MTMR7: variants seen among roughly 807,000 people sequenced by gnomAD.
MTMR7 encodes phosphatidylinositol-3-phosphate phosphatase MTMR7.
A neutral mutation model predicts 81.2 loss-of-function variants in MTMR7; 76 were observed. That is an observed-to-expected ratio of 0.94 (90% CI 0.78 to 1.13). The LOEUF is 1.13. Among genes scored for constraint, MTMR7 ranks in the 50% most tolerant of loss-of-function variants. The pLI is 0.00. For synonymous variants in MTMR7, 372 were observed against 289.8 expected (o/e 1.28, Z -2.88); for missense variants, 1,044 against 820.0 (o/e 1.27, Z -3.34).
chr8:17,405,418 G>C (rs1480865632), intron 1 of MTMR7, among the ~76,000 whole-genome samples: 1 of 152,136 alleles, frequency 6.6e-6, no homozygotes, highest in Non-Finnish European at 1.5e-5. Context: ...GGGCAATATG[G>C]AGCAGTCCAT....
At chr8:17,370,260 A>C (rs1396836499) in intron 3 of MTMR7, among the ~76,000 whole-genome samples, 1 of 151,822 alleles carries the variant, frequency 6.6e-6, no homozygotes, top group Non-Finnish European at 1.5e-5. Flanking sequence ...ATGGTAGTTC[A>C]CTCCTGTAAT....
At chr8:17,313,178 T>C (rs10113185) in intron 8 of MTMR7, 114 bp downstream of exon 8, 330,582 of 657,032 alleles carry the variant, frequency 0.5, 86,310 homozygotes, top group East Asian at 0.77. Flanking sequence ...AAGCTGGCTA[T>C]CCAGTCAGTG....
At position 17,341,439 on chromosome 8, in the gene MTMR7, T is replaced by A; in HGVS notation, c.656A>T (p.Asp219Val). The change falls in exon 6 of 14, where the codon GAC (aspartate) becomes GTC (valine). Residue 219 changes from aspartate (D) to valine (V), a missense_variant. Coordinates refer to ENST00000180173, the MANE Select transcript of MTMR7 (RefSeq NM_004686.5). ...CCTAATGGCCTGGAGCATCTGCTCG[T>A]CCTCTAGGCACCGGGCACTGAAGCC... ...LSGFSARCLE[D>V]EQMLQAIRKA... 1 of 1,614,172 alleles carries A rather than the reference T, an allele frequency of 6.2e-7. No homozygotes were observed. Among genetic ancestry groups the A allele is most frequent in the Non-Finnish European group, 8.5e-7 (1 of 1,180,022 alleles).
chr8:17,370,943 C>T, intron 3 of MTMR7, 94 bp downstream of exon 3: 5 of 1,248,660 alleles, frequency 4.0e-6, no homozygotes, highest in Non-Finnish European at 4.5e-6. Flanking sequence ...ATCCCTGAAC[C>T]CCTATCATTC....
At chr8:17,386,038 A>C (rs1820929166) in intron 1 of MTMR7, among the ~76,000 whole-genome samples, 1 of 152,142 alleles carries the variant, frequency 6.6e-6, no homozygotes, top group African/African-American at 2.4e-5. Context: ...TAAATCTGCT[A>C]AATTGTGGAG....
intron 1 of MTMR7, among the ~76,000 whole-genome samples, chr8:17,406,544 A>C (rs1246199098): frequency 6.6e-6 from 1 of 152,194 alleles, no homozygotes; most frequent in Non-Finnish European, 1.5e-5. Flanking sequence ...CGGGGTTCTG[A>C]AATAGTGCAG....
intron 3 of MTMR7, among the ~76,000 whole-genome samples, chr8:17,370,553 CAA>C (rs5889712): frequency 0.063 from 1,949 of 30,814 alleles, 75 homozygotes; most frequent in South Asian, 0.32. Flanking sequence ...AAAAGTGCCT[CAA>C]AAAAAAAAAA....
At chr8:17,404,173 T>G (rs373396602) in intron 1 of MTMR7, among the ~76,000 whole-genome samples, 4 of 152,128 alleles carry the variant, frequency 2.6e-5, no homozygotes, top group Non-Finnish European at 4.4e-5. Flanking sequence ...AGGCAAGAGT[T>G]GACAGTATTT....
At chr8:17,384,940 A>G (rs1309381450) in intron 1 of MTMR7, among the ~76,000 whole-genome samples, 2 of 152,202 alleles carry the variant, frequency 1.3e-5, no homozygotes, top group African/African-American at 4.8e-5. Flanking sequence ...ATGACACATA[A>G]CCAGAAGTAA....
intron 6 of MTMR7, among the ~76,000 whole-genome samples, chr8:17,335,916 G>A (rs1819222411): frequency 6.6e-6 from 1 of 152,194 alleles, no homozygotes; most frequent in African/African-American, 2.4e-5. Context: ...GGACTGCTGA[G>A]GGGTTTGCTC....
chr8:17,369,411 C>T (rs1441045484), intron 3 of MTMR7, among the ~76,000 whole-genome samples: 1 of 152,160 alleles, frequency 6.6e-6, no homozygotes, highest in Non-Finnish European at 1.5e-5. Flanking sequence ...TAGCTACCTA[C>T]AAAGAATATG....
chr8:17,359,130 T>G (rs759747591), intron 4 of MTMR7, among the ~76,000 whole-genome samples: 15 of 151,894 alleles, frequency 9.9e-5, no homozygotes, highest in Non-Finnish European at 1.8e-4. Context: ...ACTCCAGGGC[T>G]CAAGCAGTCC....
intron 1 of MTMR7, among the ~76,000 whole-genome samples, chr8:17,377,179 A>G (rs1332201673): frequency 1.3e-5 from 2 of 152,156 alleles, no homozygotes; most frequent in African/African-American, 4.8e-5. Context: ...TTCAACATAC[A>G]AAGTATTTAT....
In MTMR7 at chr8:17,334,376, T is replaced by G. The variant is rs1478829471; in HGVS notation, c.733-3094A>C. 2.0e-5 allele frequency among the ~76,000 whole-genome samples: 3 copies of G among 152,238 alleles called. No individual in the cohort carries two copies. The East Asian group carries it at 5.8e-4, about 29-fold the overall frequency. ...TATTACTACATCAAATACGGTCCTC[T>G]GTCCCTTTGACTGAGAACTCCATTT... On this transcript the variant is annotated intron_variant, in intron 6 of 13. Coordinates refer to ENST00000180173, the MANE Select transcript of MTMR7 (RefSeq NM_004686.5).
intron 1 of MTMR7, among the ~76,000 whole-genome samples, chr8:17,410,500 G>C (rs7814798): frequency 6.6e-6 from 1 of 152,066 alleles, no homozygotes; most frequent in African/African-American, 2.4e-5. Flanking sequence ...CAGTGAAGTA[G>C]AAACCTAGAA....
intron 1 of MTMR7, among the ~76,000 whole-genome samples, chr8:17,393,527 A>C (rs1821162534): frequency 6.6e-6 from 1 of 152,224 alleles, no homozygotes; most frequent in African/African-American, 2.4e-5. Context: ...TCAACATTAA[A>C]AAGACAGATA....
chr8:17,375,213 G>C (rs1428968280), intron 1 of MTMR7, among the ~76,000 whole-genome samples: 1 of 152,038 alleles, frequency 6.6e-6, no homozygotes, highest in South Asian at 2.1e-4. Context: ...AACACCAAGA[G>C]CAAACAGGAC....
intron 1 of MTMR7, among the ~76,000 whole-genome samples, chr8:17,410,549 C>CA (rs1020705136): frequency 2.6e-5 from 4 of 151,994 alleles, no homozygotes; most frequent in Non-Finnish European, 5.9e-5. Flanking sequence ...TGGTGTCCCC[C>CA]CTTTAACCCA....
chr8:17,407,437 C>A (rs1221275392), intron 1 of MTMR7, among the ~76,000 whole-genome samples: 3 of 151,910 alleles, frequency 2.0e-5, no homozygotes, highest in African/African-American at 7.3e-5. Flanking sequence ...GTAATATATA[C>A]CAACTATAAA....
Sources: allele counts gnomAD v4.1 joint callset (sites outside exome capture counted in the v4.1 genomes callset), GRCh38; gene constraint gnomAD v4.1.1; transcripts MANE v1.5; gene names NCBI Gene and HGNC (gene_info 2026-07-23, HGNC 2026-07-21).